The following BRWD3 variants were observed in gnomAD, a reference collection of about 807,000 sequenced individuals.
BRWD3 encodes the protein bromodomain and WD repeat domain containing 3, also known as bromodomain and WD repeat-containing protein 3.
In BRWD3, 10 loss-of-function variants were observed where a neutral mutation model predicts 149.7. The ratio of observed to expected loss-of-function variants is 0.07; its 90% CI spans 0.04 to 0.11. The LOEUF (loss-of-function observed/expected upper bound fraction) is 0.11, where lower values mean the gene tolerates loss of function less well. BRWD3 is among the 10% of genes least tolerant of loss of function. The pLI is 1.00. For synonymous variants in BRWD3, 504 were observed against 456.7 expected (o/e 1.10, Z -1.32); for missense variants, 940 against 1,373.2 (o/e 0.68, Z 4.99).
At chrX:80,678,226 T>C (rs2072394223) in intron 40 of BRWD3, among the ~76,000 whole-genome samples, 2 of 112,118 alleles carry the variant, frequency 1.8e-5, no homozygotes, top group South Asian at 7.4e-4. Flanking sequence ...AGTGATTATA[T>C]TTGGAATATT....
intron 24 of BRWD3, 38 bp from the exon 25 acceptor site, chrX:80,700,102 C>T (rs1319721013): frequency 2.0e-6 from 2 of 993,718 alleles, no homozygotes; most frequent in Non-Finnish European, 1.4e-6. Flanking sequence ...CAGCAGCATC[C>T]TATATAACTC....
intron 20 of BRWD3, chrX:80,710,055 T>C (rs2072937528): frequency 2.3e-5 from 24 of 1,062,301 alleles, no homozygotes; most frequent in Non-Finnish European, 3.0e-5. Context: ...GCAGTATTGG[T>C]TGCATTGAAA....
At chrX:80,717,413 T>C in intron 19 of BRWD3, 160 bp downstream of exon 19, 4 of 493,627 alleles carry the variant, frequency 8.1e-6, no homozygotes, top group Non-Finnish European at 1.0e-5. Context: ...TGATCATTAT[T>C]TGTTACGAAG....
At chrX:80,751,587 A>G (rs1403963014) in intron 6 of BRWD3, among the ~76,000 whole-genome samples, 1 of 112,136 alleles carries the variant, frequency 8.9e-6, no homozygotes, top group Non-Finnish European at 1.9e-5. Flanking sequence ...ATACAAATTC[A>G]TGGGCTATGT....
intron 17 of BRWD3, among the ~76,000 whole-genome samples, chrX:80,721,071 C>A (rs2073143900): frequency 8.9e-6 from 1 of 112,244 alleles, no homozygotes; most frequent in Admixed American, 9.5e-5. Context: ...AAATGATGAT[C>A]TTTCAACTAT....
chrX:80,740,847 G>A (rs936777357), intron 8 of BRWD3, among the ~76,000 whole-genome samples: 1 of 111,785 alleles, frequency 8.9e-6, no homozygotes, highest in African/African-American at 3.3e-5. Context: ...ACTCTGACTG[G>A]CAAACATCTT....
intron 6 of BRWD3, among the ~76,000 whole-genome samples, chrX:80,771,657 A>AACT (rs2073945097): frequency 8.9e-6 from 1 of 112,048 alleles, no homozygotes; most frequent in African/African-American, 3.2e-5. Flanking sequence ...CAACAAAAGA[A>AACT]ACTACCATCA....
At chrX:80,726,908 TTC>T (rs2073258533) in intron 14 of BRWD3, among the ~76,000 whole-genome samples, 1 of 110,810 alleles carries the variant, frequency 9.0e-6, no homozygotes, top group Non-Finnish European at 1.9e-5. Context: ...AGCCAATATT[TTC>T]TGAGGTTCCT....
At chrX:80,788,048 C>T (rs1269299210) in intron 6 of BRWD3, among the ~76,000 whole-genome samples, 1 of 109,073 alleles carries the variant, frequency 9.2e-6, no homozygotes, top group African/African-American at 3.4e-5. Context: ...TGCGCCACTG[C>T]ACTCCAGCCT....
Position 80,735,179 on chromosome X carries a change from A to G in BRWD3, c.933T>C (p.Phe311=). The G allele has an allele frequency of 8.3e-7, 1 of 1,207,564 alleles. No individual in the cohort carries two copies. The highest frequency in any genetic ancestry group is 1.1e-6 in the Non-Finnish European group (1 of 891,796). ...GGACTCCAGGTCTGGATCTCTCAGTAAATTTCACCGGGCGATCTCTAAAGA... is the reference window on the plus strand; with the variant it reads ...GGACTCCAGGTCTGGATCTCTCAGTGAATTTCACCGGGCGATCTCTAAAGA... ...TMKFRDRPVK[F]TERSRPGVQI... The change falls in exon 10 of 41, where the codon TTT becomes TTC. Residue 311 remains phenylalanine (F), a synonymous_variant. Transcript: ENST00000373275.
intron 6 of BRWD3, among the ~76,000 whole-genome samples, chrX:80,747,835 G>T (rs2073614117): frequency 9.0e-6 from 1 of 111,635 alleles, no homozygotes; most frequent in Non-Finnish European, 1.9e-5. Flanking sequence ...TCTTTTGGTG[G>T]ATTTTTAGGG....
chrX:80,714,665 C>T (rs2073050088), intron 20 of BRWD3, among the ~76,000 whole-genome samples: 1 of 111,961 alleles, frequency 8.9e-6, no homozygotes, highest in African/African-American at 3.3e-5. Context: ...CTCCTGAGGG[C>T]TGTGCCACGG....
At position 80,809,031 on chromosome X, in the gene BRWD3, C is replaced by T. The variant is rs756848191; in HGVS notation, c.102G>A (p.Gln34=). ...PCNKSAQVLV[Q]ELEEHQLIPR... ...TCCGTACCTGATGCTCCTCGAGCTC[C>T]TGCACTAGCACCTGAGCAAAAGGGA... The change falls in exon 3 of 41, where the codon CAG becomes CAA. Residue 34 remains glutamine (Q), a synonymous_variant. Coordinates refer to ENST00000373275, the MANE Select transcript of BRWD3 (RefSeq NM_153252.5). 5 of 1,195,285 alleles carry T rather than the reference C, an allele frequency of 4.2e-6. No homozygotes were observed. Among genetic ancestry groups the T allele is most frequent in the Non-Finnish European group, 5.6e-6 (5 of 886,833 alleles).
At chrX:80,792,477 G>GT (rs2074192003) in intron 5 of BRWD3, among the ~76,000 whole-genome samples, 1 of 111,664 alleles carries the variant, frequency 9.0e-6, no homozygotes, top group African/African-American at 3.3e-5. Context: ...TCTCTTTCAT[G>GT]TTTAAGTCAA....
chrX:80,688,437 T>C (rs2072564138), intron 33 of BRWD3, among the ~76,000 whole-genome samples: 1 of 111,817 alleles, frequency 8.9e-6, no homozygotes, highest in African/African-American at 3.2e-5. Flanking sequence ...AAAAACCTTA[T>C]TCTATATGAC....
At chrX:80,680,121 T>C (rs1379506967) in intron 40 of BRWD3, among the ~76,000 whole-genome samples, 1 of 112,422 alleles carries the variant, frequency 8.9e-6, no homozygotes, top group East Asian at 2.8e-4. Context: ...CATTAAAATG[T>C]ATATAAAATA....
At chrX:80,771,986 G>A (rs1054752018) in intron 6 of BRWD3, among the ~76,000 whole-genome samples, 1 of 111,757 alleles carries the variant, frequency 8.9e-6, no homozygotes, top group Non-Finnish European at 1.9e-5. Context: ...TGGAGAGGAT[G>A]TGGAAAAATA....
At position 80,744,190 on chromosome X, in the gene BRWD3, G is replaced by A; in HGVS notation, c.655C>T (p.Arg219Cys). The A allele has an allele frequency of 1.7e-6, 2 of 1,211,430 alleles. No individual in the cohort carries two copies. Among genetic ancestry groups the A allele is most frequent in the Non-Finnish European group, 2.2e-6 (2 of 895,226 alleles). ...TCAGAAATTTCAGCAGAGTGTCCACGAAGTGTAGCAAGAAGGCGTCCATCA... is the reference window on the plus strand; with the variant it reads ...TCAGAAATTTCAGCAGAGTGTCCACAAAGTGTAGCAAGAAGGCGTCCATCA... ...TDDGRLLATL[R>C]GHSAEISDMA... The change falls in exon 8 of 41, where the codon CGT becomes TGT. Residue 219 changes from arginine (R) to cysteine (C), a missense_variant. By Grantham distance (180) the Arg-to-Cys change is radical. Transcript: ENST00000373275.
At position 80,725,931 on chromosome X, in the gene BRWD3, T is replaced by A. The variant is rs3132172; in HGVS notation, c.1387-864A>T. Among the ~76,000 whole-genome samples the A allele has an allele frequency of 1.9e-4, 21 of 110,999 alleles. 1 individual carries two copies. The highest frequency in any genetic ancestry group is 3.8e-4 in the Admixed American group (4 of 10,569). On this transcript the variant is annotated intron_variant, in intron 14 of 40. Transcript: ENST00000373275. ...ATGTTACATGCCTATATGACATAAC[T>A]TGTTTACATGTTACATGTCTATATA... is the stretch of plus-strand genomic sequence containing the variant.
Sources: gnomAD v4.1 joint callset for allele counts (sites outside exome capture counted in the v4.1 genomes callset) on GRCh38, gnomAD v4.1.1 for gene constraint, MANE v1.5 for transcripts, NCBI Gene and HGNC (gene_info 2026-07-23, HGNC 2026-07-21) for gene names.